Variants in LAMP3 observed in about 807,000 individuals in gnomAD.
LAMP3 encodes lysosome-associated membrane glycoprotein 3.
Under a neutral mutation model 34.8 loss-of-function variants are expected in LAMP3, and 26 were observed. The observed-to-expected ratio is 0.75, with a 90% CI of 0.55 to 1.04. LAMP3 has a LOEUF of 1.04. Ranked by LOEUF, LAMP3 falls within the 50% of genes least tolerant of loss-of-function variation. The probability of loss-of-function intolerance (pLI) is 0.00; values close to 1 mark genes in which losing one functional copy is unlikely to be tolerated. For missense variants in LAMP3, 495 were observed against 524.0 expected (o/e 0.94, Z 0.54); for synonymous variants, 180 against 201.9 (o/e 0.89, Z 0.92).
rs145794465 is a variant in LAMP3 at position 183,152,423 on chromosome 3, G to T, written c.840C>A (p.Asn280Lys). 1.2e-4 allele frequency: 190 copies of T among 1,612,858 alleles called. No homozygotes were observed. Among genetic ancestry groups the T allele is most frequent in the Middle Eastern group, 1.7e-4 (1 of 6,014 alleles). The change falls in exon 3 of 6, where the codon AAC becomes AAA. Residue 280 changes from asparagine (N) to lysine (K), a missense_variant. By Grantham distance (94) the Asn-to-Lys change is moderately conservative. Coordinates refer to ENST00000265598, the MANE Select transcript of LAMP3 (RefSeq NM_014398.4). ...ASGNCGTRKS[N>K]LLLNFQGGFV... ...ATCCGCCCTGAAAATTCAACAGAAG[G>T]TTGGATTTTCGGGTGCCACAGTTCC...
chr3:183,154,094 G>T lies in LAMP3; in HGVS notation c.347C>A (p.Thr116Lys), dbSNP rs1425170358. The change falls in exon 2 of 6, where the codon ACA (threonine) becomes AAA (lysine). Residue 116 changes from threonine (T) to lysine (K), a missense_variant. Thr to Lys is a moderately conservative substitution (Grantham distance 78, BLOSUM62 -1). Coordinates refer to ENST00000265598, the MANE Select transcript of LAMP3 (RefSeq NM_014398.4). ...TTQATPNNSHTAPPVTEVTVG... is the reference protein window; with the variant it reads ...TTQATPNNSHKAPPVTEVTVG... ...TGTAACTTCAGTAACTGGAGGAGCT[G>T]TGTGTGAGTTGTTGGGTGTGGCCTG... The T allele has an allele frequency of 6.2e-7, 1 of 1,614,216 alleles. No homozygotes were observed. Among genetic ancestry groups the T allele is most frequent in the Non-Finnish European group, 8.5e-7 (1 of 1,180,042 alleles).
Position 183,153,833 on chromosome 3 carries a change from C to T in LAMP3, c.608G>A (p.Arg203His), listed in dbSNP as rs966430380. The T allele has an allele frequency of 9.3e-6, 15 of 1,605,576 alleles. No individual in the cohort carries two copies. Among genetic ancestry groups the T allele is most frequent in the Middle Eastern group, 1.7e-4 (1 of 6,048 alleles). ...GTTAAAHNTT[R>H]TAAPASTVPG... ...AACCGTGGAGGCAGGTGCAGCTGTG[C>T]GGGTGGTATTGTGGGCAGCTGCCGT... Residue 203 changes from arginine to histidine, a missense_variant, in exon 2 of 6, where the codon CGC becomes CAC. Physicochemically the swap from Arg to His is conservative, Grantham distance 29 (BLOSUM62 0). Coordinates refer to ENST00000265598, the MANE Select transcript of LAMP3 (RefSeq NM_014398.4).
chr3:183,127,502 CTG>C (rs1270780900), intron 5 of LAMP3, among the ~76,000 whole-genome samples: 2 of 151,450 alleles, frequency 1.3e-5, no homozygotes, highest in Non-Finnish European at 2.9e-5. Context: ...AAAAAGTAAA[CTG>C]ATTTTATTGT....
At chr3:183,138,561 G>A (rs908052282) in intron 4 of LAMP3, among the ~76,000 whole-genome samples, 16 of 152,196 alleles carry the variant, frequency 1.1e-4, no homozygotes, top group Admixed American at 3.3e-4. Context: ...AAACATTTGA[G>A]GCCTCTGAGA....
At chr3:183,125,844 A>T (rs950391023) in intron 5 of LAMP3, among the ~76,000 whole-genome samples, 53 of 151,950 alleles carry the variant, frequency 3.5e-4, no homozygotes, top group Admixed American at 1.0e-3. Context: ...TGCTGGGCCA[A>T]TTTTTTATTT....
At chr3:183,151,728 G>A (rs1720641348) in intron 3 of LAMP3, among the ~76,000 whole-genome samples, 1 of 151,998 alleles carries the variant, frequency 6.6e-6, no homozygotes, top group Non-Finnish European at 1.5e-5. Flanking sequence ...GCACCCAGCT[G>A]GGGCATGCTC....
At chr3:183,146,522 A>T (rs971947813) in intron 3 of LAMP3, among the ~76,000 whole-genome samples, 92 of 130,100 alleles carry the variant, frequency 7.1e-4, no homozygotes, top group African/African-American at 2.2e-3. Flanking sequence ...TGGTGCTCAA[A>T]TTTTTTTTTT....
chr3:183,144,581 C>T (rs1720384554), intron 3 of LAMP3, among the ~76,000 whole-genome samples: 1 of 152,160 alleles, frequency 6.6e-6, no homozygotes, highest in Admixed American at 6.5e-5. Flanking sequence ...ATGGAAAGTA[C>T]AGATCACTTG....
rs548410000 is a variant in LAMP3 at position 183,122,568 on chromosome 3, C to T, written c.*1513G>A. ...CACTCAAGAAAGAACAGTTGGTTAG[C>T]GAAGTTTCTCTATTATCAAAAAAAT... is the stretch of plus-strand genomic sequence containing the variant. On this transcript the variant is annotated 3_prime_UTR_variant, in exon 6 of 6. Transcript: ENST00000265598. The T allele has an allele frequency of 6.6e-6, 1 of 152,304 alleles. No individual in the cohort carries two copies. Among genetic ancestry groups the T allele is most frequent in the East Asian group, 1.9e-4 (1 of 5,186 alleles). 9.4% of individuals were successfully genotyped at this position (152,304 alleles called of 1,614,324 possible). A position where few individuals can be genotyped will look rare whatever the true frequency, so the allele number is the denominator to read the frequency against.
chr3:183,144,245 T>C (rs886131453), intron 3 of LAMP3, among the ~76,000 whole-genome samples: 2 of 152,322 alleles, frequency 1.3e-5, no homozygotes, highest in Admixed American at 1.3e-4. Context: ...TCTCCTTCAT[T>C]GATACATTTG....
intron 1 of LAMP3, among the ~76,000 whole-genome samples, chr3:183,159,027 T>C (rs1236376735): frequency 6.6e-6 from 1 of 152,110 alleles, no homozygotes; most frequent in Non-Finnish European, 1.5e-5. Flanking sequence ...GCCTTTCCAG[T>C]AGCTGCGACT....
chr3:183,140,526 G>A lies in LAMP3; in HGVS notation c.946+12C>T. ...TCATGGCTGGTCGAATGGGCATTCT[G>A]TAATTACTAACCTGGATCTGAGACG... On this transcript the variant is annotated intron_variant, in intron 4 of 5. Transcript: ENST00000265598. 1 of 1,522,388 alleles carries A rather than the reference G, an allele frequency of 6.6e-7. No homozygotes were observed. Among genetic ancestry groups the A allele is most frequent in the Non-Finnish European group, 9.1e-7 (1 of 1,104,208 alleles). The allele number at this position is 1,522,388 out of a possible 1,614,324, so 94.3% of individuals were successfully genotyped here.
intron 1 of LAMP3, among the ~76,000 whole-genome samples, chr3:183,157,392 C>A (rs114508382): frequency 0.011 from 1,621 of 152,302 alleles, 26 homozygotes; most frequent in African/African-American, 0.036. Context: ...AGATTTTTCA[C>A]TTTGAGATTA....
At chr3:183,126,564 GCA>G (rs952470936) in intron 5 of LAMP3, among the ~76,000 whole-genome samples, 3 of 143,662 alleles carry the variant, frequency 2.1e-5, no homozygotes, top group African/African-American at 8.3e-5. Context: ...GTGTGTGTGT[GCA>G]CACGTGTGCA....
chr3:183,130,315 C>G (rs1001464568), intron 5 of LAMP3, among the ~76,000 whole-genome samples: 1 of 151,968 alleles, frequency 6.6e-6, no homozygotes, highest in South Asian at 2.1e-4. Context: ...CCTGCCACCA[C>G]GCCTGGCTAA....
At position 183,135,880 on chromosome 3, in the gene LAMP3, A is replaced by T; in HGVS notation, c.954T>A (p.Ile318=). 1 of 1,613,442 alleles carries T rather than the reference A, an allele frequency of 6.2e-7. No homozygotes were observed. The highest frequency in any genetic ancestry group is 8.5e-7 in the Non-Finnish European group (1 of 1,179,396). Residue 318 remains isoleucine (I), a synonymous_variant, in exon 5 of 6, where the codon ATT becomes ATA. Coordinates refer to ENST00000265598, the MANE Select transcript of LAMP3 (RefSeq NM_014398.4). ...AYLTVSDPET[I]YQGIKHAVVM... is the part of the protein sequence containing the mutation. ...CCACCGCATGTTTGATTCCTTGGTA[A>T]ATTGTCTCTGAAAAGGTGACAGATA...
rs367870747 is a variant in LAMP3, at chr3:183,149,284, G to C, written c.888+3091C>G. On this transcript the variant is annotated intron_variant, in intron 3 of 5. Coordinates refer to ENST00000265598, the MANE Select transcript of LAMP3 (RefSeq NM_014398.4). ...GGGCTGGGCACGGTGGCTCACGCCT[G>C]TAATCCCAGCACTTTGGGAGGCTCA... is the stretch of plus-strand genomic sequence containing the variant. Among the ~76,000 whole-genome samples, 663 of 152,022 alleles carry C rather than the reference G, an allele frequency of 4.4e-3. 8 individuals are homozygous for C. The highest frequency in any genetic ancestry group is 0.015 in the African/African-American group (615 of 41,448).
At chr3:183,141,153 T>G (rs1357742460) in intron 3 of LAMP3, among the ~76,000 whole-genome samples, 1 of 152,176 alleles carries the variant, frequency 6.6e-6, no homozygotes, top group Non-Finnish European at 1.5e-5. Context: ...AGGGTGTGAA[T>G]GGCTTTACAC....
intron 5 of LAMP3, among the ~76,000 whole-genome samples, chr3:183,130,891 T>C (rs529404727): frequency 1.3e-5 from 2 of 152,274 alleles, no homozygotes; most frequent in African/African-American, 4.8e-5. Flanking sequence ...AGAATTTTTT[T>C]CCCTCTCATC....
Sources: gnomAD v4.1 joint callset for allele counts (sites outside exome capture counted in the v4.1 genomes callset) on GRCh38, gnomAD v4.1.1 for gene constraint, MANE v1.5 for transcripts, NCBI Gene and HGNC (gene_info 2026-07-23, HGNC 2026-07-21) for gene names.